AASDH: variants seen among roughly 807,000 people sequenced by gnomAD.
AASDH encodes the protein beta-alanine-activating enzyme.
A neutral mutation model predicts 102.3 loss-of-function variants in AASDH; 81 were observed. That is an observed-to-expected ratio of 0.79 (90% CI 0.66 to 0.95). The LOEUF (loss-of-function observed/expected upper bound fraction) is 0.95. Ranked by LOEUF, AASDH falls within the 40% of genes least tolerant of loss-of-function variation. The pLI, the probability that AASDH is intolerant of heterozygous loss-of-function variation, is 0.00. For missense variants in AASDH, 1,203 were observed against 1,266.2 expected (o/e 0.95, Z 0.76); for synonymous variants, 398 against 454.0 (o/e 0.88, Z 1.57).
intron 8 of AASDH, among the ~76,000 whole-genome samples, 166 bp from the exon 9 acceptor site, chr4:56,353,762 G>A (rs1351467514): frequency 6.6e-6 from 1 of 151,736 alleles, no homozygotes; most frequent in African/African-American, 2.4e-5. Flanking sequence ...TTGCACATAG[G>A]GTTCATAATA....
chr4:56,348,756 T>C (rs1195480503), intron 11 of AASDH, among the ~76,000 whole-genome samples: 2 of 152,148 alleles, frequency 1.3e-5, no homozygotes, highest in Non-Finnish European at 2.9e-5. Context: ...CCTGCCAGAA[T>C]CAGCAAAGAA....
At chr4:56,379,144 C>T (rs1269697787) in intron 3 of AASDH, among the ~76,000 whole-genome samples, 1 of 152,130 alleles carries the variant, frequency 6.6e-6, no homozygotes, top group Admixed American at 6.5e-5. Flanking sequence ...GCTTCAGCCT[C>T]CCAAAGTGCT....
intron 11 of AASDH, among the ~76,000 whole-genome samples, chr4:56,347,348 A>C (rs1748443589): frequency 6.6e-6 from 1 of 152,210 alleles, no homozygotes. Context: ...GAAGAATCAC[A>C]TTCAGATTCA....
Position 56,372,002 on chromosome 4 carries a change from A to T in AASDH, c.669-359T>A, listed in dbSNP as rs538586203. 2.6e-5 allele frequency among the ~76,000 whole-genome samples: 4 copies of T among 152,322 alleles called. No individual in the cohort carries two copies. In the South Asian group the frequency reaches 6.2e-4, roughly 24 times the overall value. ...TCTTGAGAGCTGAAGAACAGAAGGG[A>T]GGCTGCTGCTTAGCAGCACACACGC... On this transcript the variant is annotated intron_variant, in intron 4 of 14. Transcript: ENST00000205214.
In AASDH at chr4:56,384,150, C is replaced by T. The variant is rs1236151977; in HGVS notation, c.150G>A (p.Leu50=). 2 of 1,614,022 alleles carry T rather than the reference C, an allele frequency of 1.2e-6. No individual in the cohort carries two copies. The highest frequency in any genetic ancestry group is 2.2e-5 in the East Asian group (1 of 44,884). Residue 50 remains leucine (L), a synonymous_variant, in exon 2 of 15, where the codon CTG becomes CTA. Transcript: ENST00000205214. ...GAATTCCTTGAAAGTCACAGTGTAA[C>T]AGCAGAAAATTTGATAATTCAGAAG... is the stretch of plus-strand genomic sequence containing the variant. ...NAASELSNFL[L]LHCDFQGIRE...
intron 5 of AASDH, among the ~76,000 whole-genome samples, chr4:56,367,854 C>T (rs911014646): frequency 1.3e-5 from 2 of 151,334 alleles, no homozygotes; most frequent in African/African-American, 4.9e-5. Flanking sequence ...CAACAAAAGC[C>T]AAAATTGACA....
chr4:56,361,024 G>A (rs947646764), intron 5 of AASDH, among the ~76,000 whole-genome samples: 4 of 152,126 alleles, frequency 2.6e-5, no homozygotes, highest in East Asian at 1.9e-4. Context: ...TCACTAAGCC[G>A]AATTTCAATG....
intron 5 of AASDH, among the ~76,000 whole-genome samples, chr4:56,360,983 T>C (rs1292749672): frequency 6.6e-6 from 1 of 152,200 alleles, no homozygotes; most frequent in Non-Finnish European, 1.5e-5. Flanking sequence ...CTTGTCAAAA[T>C]AGGGGCTAAA....
intron 4 of AASDH, among the ~76,000 whole-genome samples, chr4:56,377,016 G>C (rs990816842): frequency 1.1e-4 from 16 of 148,584 alleles, no homozygotes; most frequent in African/African-American, 3.4e-4. Context: ...GCAGTGAGCC[G>C]AGATCCCGCC....
chr4:56,338,495 G>C lies in AASDH; in HGVS notation c.3204C>G (p.Phe1068Leu). ...TTGATTCCAGGACCACAGGAGAAGA[G>C]AAGACTTCTCCAGGAAGTTCATAAA... ...QSVYELPGEV[F>L]SSPVVLESML... Residue 1068 changes from phenylalanine to leucine, a missense_variant, in exon 15 of 15, where the codon TTC (phenylalanine) becomes TTG (leucine). Physicochemically the swap from Phe to Leu is conservative, Grantham distance 22. Transcript: ENST00000205214. 6.2e-7 allele frequency: 1 copy of C among 1,613,800 alleles called. No individual in the cohort carries two copies. The highest frequency in any genetic ancestry group is 2.2e-5 in the East Asian group (1 of 44,864).
intron 5 of AASDH, among the ~76,000 whole-genome samples, chr4:56,355,763 G>T (rs1371852828): frequency 2.0e-5 from 3 of 151,770 alleles, no homozygotes; most frequent in Non-Finnish European, 4.4e-5. Flanking sequence ...GGGACTACAG[G>T]CACGTACCAC....
At chr4:56,385,817 C>T (rs1395409555) in intron 1 of AASDH, among the ~76,000 whole-genome samples, 1 of 152,102 alleles carries the variant, frequency 6.6e-6, no homozygotes, top group East Asian at 1.9e-4. Flanking sequence ...TCCATGTTGG[C>T]CAGGTTGGTT....
chr4:56,343,504 A>C, intron 13 of AASDH, 58 bp downstream of exon 13: 1 of 1,464,270 alleles, frequency 6.8e-7, no homozygotes, highest in East Asian at 2.5e-5. Context: ...GCTCAAAGCA[A>C]AAATTTTACA....
intron 1 of AASDH, among the ~76,000 whole-genome samples, chr4:56,386,504 G>A (rs887875952): frequency 2.0e-5 from 3 of 152,008 alleles, no homozygotes; most frequent in African/African-American, 7.2e-5. Context: ...CCTTAAAAAG[G>A]AAAAAAAGGC....
intron 5 of AASDH, 96 bp from the exon 6 acceptor site, chr4:56,355,519 A>ACATGGAAATGAAGGCTGTG: frequency 1.7e-6 from 2 of 1,180,310 alleles, no homozygotes; most frequent in East Asian, 5.3e-5. Context: ...TTTGGAGCCC[A>ACATGGAAATGAAGGCTGTG]CATGGAAATG....
chr4:56,356,744 C>A, intron 5 of AASDH: 2 of 719,942 alleles, frequency 2.8e-6, no homozygotes, highest in Non-Finnish European at 5.1e-6. Flanking sequence ...GTCGCCTTCA[C>A]ACAGGTTAAC....
chr4:56,347,188 G>A (rs191759161), intron 11 of AASDH, among the ~76,000 whole-genome samples: 5 of 152,278 alleles, frequency 3.3e-5, no homozygotes, highest in Admixed American at 2.6e-4. Flanking sequence ...AAAATGTGGT[G>A]CAACTGGACT....
chr4:56,374,156 G>C (rs1267164823), intron 4 of AASDH, among the ~76,000 whole-genome samples: 1 of 152,096 alleles, frequency 6.6e-6, no homozygotes, highest in Non-Finnish European at 1.5e-5. Flanking sequence ...AAGGTGGGCA[G>C]ATACTTGAGG....
intron 4 of AASDH, among the ~76,000 whole-genome samples, chr4:56,376,433 C>G (rs865901272): frequency 6.6e-6 from 1 of 152,168 alleles, no homozygotes; most frequent in African/African-American, 2.4e-5. Context: ...ACCTCTATTT[C>G]GTTATCTCCT....
Sources: allele counts gnomAD v4.1 joint callset (sites outside exome capture counted in the v4.1 genomes callset), GRCh38; gene constraint gnomAD v4.1.1; transcripts MANE v1.5; gene names NCBI Gene and HGNC (gene_info 2026-07-23, HGNC 2026-07-21).